Variants in RGS22 observed in about 807,000 individuals in gnomAD.
RGS22 encodes regulator of G-protein signaling 22.
A neutral mutation model predicts 172.9 loss-of-function variants in RGS22; 148 were observed. The ratio of observed to expected loss-of-function variants is 0.86; its 90% CI spans 0.75 to 0.98. The LOEUF (loss-of-function observed/expected upper bound fraction) is 0.98. RGS22 is among the 50% of genes least tolerant of loss of function. The pLI is 0.00. For missense variants in RGS22, 1,347 were observed against 1,440.8 expected, an observed-to-expected ratio of 0.93 and a Z score of 1.05; for synonymous variants, 458 against 480.2, an observed-to-expected ratio of 0.95 and a Z score of 0.60.
intron 4 of RGS22, among the ~76,000 whole-genome samples, chr8:100,076,717 G>A (rs1811376365): frequency 1.3e-5 from 2 of 152,176 alleles, no homozygotes. Context: ...TGTGGGCCGG[G>A]CACGGTGGTT....
intron 9 of RGS22, among the ~76,000 whole-genome samples, chr8:100,053,210 C>T (rs1821870716): frequency 6.6e-6 from 1 of 152,042 alleles, no homozygotes; most frequent in Admixed American, 6.6e-5. Context: ...TTGGGAAAAA[C>T]ATCATAAGTA....
chr8:100,092,511 GTTATC>G (rs1476151239), intron 3 of RGS22, among the ~76,000 whole-genome samples: 1 of 152,148 alleles, frequency 6.6e-6, no homozygotes. Context: ...GAGTGGGTTG[GTTATC>G]AAGAGAGTGT....
At chr8:99,979,904 G>GGTA (rs1812363628) in intron 22 of RGS22, among the ~76,000 whole-genome samples, 1 of 152,088 alleles carries the variant, frequency 6.6e-6, no homozygotes, top group South Asian at 2.1e-4. Context: ...TTACAACAGA[G>GGTA]GTAAAAACAA....
chr8:99,995,280 C>G lies in RGS22; in HGVS notation c.3018+1182G>C, dbSNP rs184944864. On this transcript the variant is annotated intron_variant, in intron 20 of 27. Transcript: ENST00000360863. ...AATAGACAAACGGGATCTAATTAAA[C>G]TAATGAGTTTCTGCACAGCAAAAGA... 3.0e-4 allele frequency among the ~76,000 whole-genome samples: 45 copies of G among 152,306 alleles called. 1 individual carries two copies. Among genetic ancestry groups the G allele is most frequent in the Admixed American group, 2.6e-3 (40 of 15,280 alleles).
chr8:99,999,494 T>G, intron 18 of RGS22, 74 bp from the exon 19 acceptor site: 1 of 1,527,102 alleles, frequency 6.5e-7, no homozygotes, highest in Non-Finnish European at 8.9e-7. Flanking sequence ...AATTCATTCA[T>G]TCACTACAAA....
At chr8:100,035,754 T>C (rs1038411460) in intron 14 of RGS22, among the ~76,000 whole-genome samples, 6 of 152,146 alleles carry the variant, frequency 3.9e-5, no homozygotes, top group African/African-American at 1.4e-4. Flanking sequence ...GTGGCACATA[T>C]ACACCATGGA....
intron 23 of RGS22, among the ~76,000 whole-genome samples, chr8:99,976,424 C>G (rs1346462304): frequency 6.6e-6 from 1 of 152,044 alleles, no homozygotes; most frequent in Non-Finnish European, 1.5e-5. Flanking sequence ...TGCAGTGGCG[C>G]CATCTCGGCT....
intron 9 of RGS22, among the ~76,000 whole-genome samples, chr8:100,058,171 C>CAAA (rs71512460): frequency 0.025 from 1,394 of 56,004 alleles, 20 homozygotes; most frequent in African/African-American, 0.06. Flanking sequence ...ACAGAGGAGA[C>CAAA]AAAAAAAAAA....
chr8:100,008,716 A>T, intron 14 of RGS22, 147 bp from the exon 15 acceptor site: 2 of 579,438 alleles, frequency 3.5e-6, no homozygotes, highest in Non-Finnish European at 3.0e-6. Flanking sequence ...AAAACTACTT[A>T]ACACGAAGCA....
intron 14 of RGS22, among the ~76,000 whole-genome samples, chr8:100,032,138 T>C (rs1396149873): frequency 1.3e-5 from 2 of 152,158 alleles, no homozygotes; most frequent in Admixed American, 6.5e-5. Context: ...GCAAACATCA[T>C]AATCACAGGA....
chr8:100,038,867 A>T (rs1819790480), intron 14 of RGS22, 64 bp downstream of exon 14: 1 of 1,017,332 alleles, frequency 9.8e-7, no homozygotes, highest in African/African-American at 1.6e-5. Flanking sequence ...TTGGGACTGG[A>T]CACAATTTTC....
intron 20 of RGS22, among the ~76,000 whole-genome samples, chr8:99,993,992 T>C (rs1245230415): frequency 6.6e-6 from 1 of 152,170 alleles, no homozygotes; most frequent in Non-Finnish European, 1.5e-5. Flanking sequence ...ATCCATCACA[T>C]AAACAGAAAC....
chr8:99,996,581 A>G, intron 19 of RGS22, 51 bp from the exon 20 acceptor site: 1 of 1,430,112 alleles, frequency 7.0e-7, no homozygotes, highest in Non-Finnish European at 9.8e-7. Flanking sequence ...TAAAGGCTTG[A>G]AATCATTTAC....
At chr8:99,993,252 G>C (rs975487060) in intron 20 of RGS22, among the ~76,000 whole-genome samples, 5 of 152,048 alleles carry the variant, frequency 3.3e-5, no homozygotes, top group African/African-American at 1.2e-4. Context: ...CAGAAGGCAA[G>C]AAACAACTAA....
Position 100,012,281 on chromosome 8 carries a change from AG to A in RGS22, c.2167-3713del, listed in dbSNP as rs200105321. On this transcript the variant is annotated intron_variant, in intron 14 of 27. Coordinates refer to ENST00000360863, the MANE Select transcript of RGS22 (RefSeq NM_015668.5). ...AAAGAACCAGTGATTAAGATAAGGG[AG>A]AAGGGCATGTAGAGTAGTTAAAAGG... 5.6e-3 allele frequency among the ~76,000 whole-genome samples: 857 copies of A among 152,224 alleles called. 5 individuals are homozygous for A. Among genetic ancestry groups the A allele is most frequent in the African/African-American group, 0.02 (819 of 41,534 alleles).
rs767648104 is a variant in RGS22, at chr8:99,965,447, T to G, written c.3520-17A>C. The G allele has an allele frequency of 1.5e-5, 22 of 1,504,796 alleles. No homozygotes were observed. The African/African-American group carries it at 3.1e-4, about 21-fold the overall frequency. The allele number at this position is 1,504,796 out of a possible 1,614,324, so 93.2% of individuals were successfully genotyped here. A position where few individuals can be genotyped will look rare whatever the true frequency, so the allele number is the denominator to read the frequency against. ...GATTCCATCCTGTAATTATATTAAA[T>G]TAAATTATTACCCAGAAAAGATAAT... is the stretch of plus-strand genomic sequence containing the variant. On this transcript the variant is annotated splice_polypyrimidine_tract_variant and intron_variant, in intron 23 of 27. Coordinates refer to ENST00000360863, the MANE Select transcript of RGS22 (RefSeq NM_015668.5).
At position 100,071,975 on chromosome 8, in the gene RGS22, T is replaced by G. The variant is rs181174111; in HGVS notation, c.425+170A>C. On this transcript the variant is annotated intron_variant, in intron 5 of 27. Coordinates refer to ENST00000360863, the MANE Select transcript of RGS22 (RefSeq NM_015668.5). ...GTTTTGGGAGGCCAAGGCAGGAGGC[T>G]CTCTTGAAGCCAGGAGTTCGAGACC... 6.6e-3 allele frequency among the ~76,000 whole-genome samples: 1,002 copies of G among 152,312 alleles called. 13 individuals are homozygous for G. The highest frequency in any genetic ancestry group is 0.022 in the African/African-American group (922 of 41,568).
chr8:100,005,913 C>A, intron 16 of RGS22, 104 bp downstream of exon 16: 1 of 702,976 alleles, frequency 1.4e-6, no homozygotes, highest in South Asian at 1.9e-5. Flanking sequence ...AATGAAACTG[C>A]CTATATGATC....
intron 14 of RGS22, among the ~76,000 whole-genome samples, chr8:100,032,876 C>T (rs556140958): frequency 6.6e-6 from 1 of 152,314 alleles, no homozygotes; most frequent in African/African-American, 2.4e-5. Context: ...CTCAAAACCA[C>T]ACAACTACAT....
Sources: gnomAD v4.1 joint callset for allele counts (sites outside exome capture counted in the v4.1 genomes callset) on GRCh38, gnomAD v4.1.1 for gene constraint, MANE v1.5 for transcripts, NCBI Gene and HGNC (gene_info 2026-07-23, HGNC 2026-07-21) for gene names.